OLA1: variants seen among roughly 807,000 people sequenced by gnomAD.
OLA1 encodes the protein Obg like ATPase 1.
In OLA1, 14 loss-of-function variants were observed where a neutral mutation model predicts 48.4. That is an observed-to-expected ratio of 0.29 (90% CI 0.19 to 0.45). The LOEUF is 0.45. Among genes scored for constraint, OLA1 ranks in the 20% least tolerant of loss-of-function variants. The pLI, the probability that OLA1 is intolerant of heterozygous loss-of-function variation, is 1.00. For missense variants in OLA1, 325 were observed against 467.1 expected, an observed-to-expected ratio of 0.70 and a Z score of 2.80; for synonymous variants, 127 against 150.4, an observed-to-expected ratio of 0.84 and a Z score of 1.14.
chr2:174,162,762 T>C (rs1687042705), intron 4 of OLA1, among the ~76,000 whole-genome samples: 1 of 152,174 alleles, frequency 6.6e-6, no homozygotes, highest in Non-Finnish European at 1.5e-5. Context: ...AGTGATATAA[T>C]TGTGGTTAAG....
intron 1 of OLA1, chr2:174,247,339 C>G: frequency 4.7e-6 from 1 of 213,112 alleles, no homozygotes; most frequent in Non-Finnish European, 9.3e-6. Flanking sequence ...CGCCACTGGG[C>G]TCTGCCTGAG....
chr2:174,122,279 A>T (rs1401287222), intron 7 of OLA1, among the ~76,000 whole-genome samples: 1 of 152,216 alleles, frequency 6.6e-6, no homozygotes. Context: ...GGAGTTAACC[A>T]TCTGACATTA....
intron 4 of OLA1, among the ~76,000 whole-genome samples, chr2:174,185,953 T>C (rs1281805367): frequency 6.6e-6 from 1 of 152,010 alleles, no homozygotes; most frequent in Non-Finnish European, 1.5e-5. Flanking sequence ...AAAGTATTTT[T>C]CACATATAAA....
chr2:174,164,645 A>G (rs1687119458), intron 4 of OLA1, among the ~76,000 whole-genome samples: 1 of 152,128 alleles, frequency 6.6e-6, no homozygotes, highest in Admixed American at 6.5e-5. Flanking sequence ...TTTCACAGGT[A>G]TTTTCTCCCC....
intron 2 of OLA1, among the ~76,000 whole-genome samples, chr2:174,245,910 T>C (rs763371004): frequency 1.3e-5 from 2 of 149,250 alleles, no homozygotes; most frequent in Non-Finnish European, 3.0e-5. Context: ...AAAGAAGACT[T>C]TGAACACTTA....
At position 174,088,730 on chromosome 2, in the gene OLA1, G is replaced by A. The variant is rs553365972; in HGVS notation, c.729-6666C>T. ...ATCCCTCTTCTAAAAGAGAGCTAAG[G>A]CCGGGCTTGGTGGTTCATGCCTATA... is the stretch of plus-strand genomic sequence containing the variant. On this transcript the variant is annotated intron_variant, in intron 7 of 10. Transcript: ENST00000284719. 3.7e-4 allele frequency among the ~76,000 whole-genome samples: 57 copies of A among 152,208 alleles called. 1 individual carries two copies. In the South Asian group the frequency reaches 0.011, roughly 30 times the overall value.
intron 4 of OLA1, among the ~76,000 whole-genome samples, chr2:174,222,320 G>A (rs1388543999): frequency 6.6e-6 from 1 of 152,030 alleles, no homozygotes; most frequent in Non-Finnish European, 1.5e-5. Context: ...ATCTAGTTGA[G>A]GACCAGAAAC....
chr2:174,241,695 G>A (rs1309050906), intron 2 of OLA1, among the ~76,000 whole-genome samples: 1 of 152,188 alleles, frequency 6.6e-6, no homozygotes, highest in Non-Finnish European at 1.5e-5. Context: ...GAGTGCAGTG[G>A]CACAATCTTG....
intron 9 of OLA1, among the ~76,000 whole-genome samples, chr2:174,079,889 A>C (rs1360638518): frequency 6.6e-6 from 1 of 151,988 alleles, no homozygotes; most frequent in Non-Finnish European, 1.5e-5. Flanking sequence ...ACCTGACTAA[A>C]TATCTTAGCA....
chr2:174,081,384 T>A (rs1445023544), intron 8 of OLA1, 136 bp from the exon 9 acceptor site: 1 of 636,026 alleles, frequency 1.6e-6, no homozygotes, highest in Non-Finnish European at 2.7e-6. Context: ...CAGAATACAC[T>A]GGAAGGGTTC....
At chr2:174,096,896 G>A (rs554844715) in intron 7 of OLA1, among the ~76,000 whole-genome samples, 2 of 152,278 alleles carry the variant, frequency 1.3e-5, no homozygotes, top group Admixed American at 6.5e-5. Context: ...GGTGGCTCAC[G>A]CCTGTAATCT....
intron 5 of OLA1, among the ~76,000 whole-genome samples, chr2:174,140,380 T>C (rs1457019344): frequency 6.6e-6 from 1 of 151,872 alleles, no homozygotes; most frequent in Non-Finnish European, 1.5e-5. Context: ...TTTTTTTTTT[T>C]TAATTGAGAC....
At chr2:174,213,309 T>C (rs781264362) in intron 4 of OLA1, among the ~76,000 whole-genome samples, 1 of 152,326 alleles carries the variant, frequency 6.6e-6, no homozygotes, top group Middle Eastern at 3.4e-3. Context: ...TAAGTACCTA[T>C]TGAGAAACCT....
At chr2:174,189,881 A>AAAAC (rs1558996716) in intron 4 of OLA1, among the ~76,000 whole-genome samples, 1 of 147,000 alleles carries the variant, frequency 6.8e-6, no homozygotes, top group African/African-American at 2.6e-5. Flanking sequence ...AAAAAAACAA[A>AAAAC]ACACACACAC....
At chr2:174,246,409 C>T (rs375172754) in intron 2 of OLA1, among the ~76,000 whole-genome samples, 5 of 152,094 alleles carry the variant, frequency 3.3e-5, no homozygotes, top group Non-Finnish European at 5.9e-5. Flanking sequence ...ATTTCCACTA[C>T]GAAATTCAAA....
intron 3 of OLA1, among the ~76,000 whole-genome samples, chr2:174,227,727 A>G (rs1688645939): frequency 6.6e-6 from 1 of 152,254 alleles, no homozygotes; most frequent in Non-Finnish European, 1.5e-5. Context: ...CTGAATAAAT[A>G]CATGAATGAA....
At chr2:174,124,568 T>C (rs1246389232) in intron 5 of OLA1, among the ~76,000 whole-genome samples, 1 of 152,148 alleles carries the variant, frequency 6.6e-6, no homozygotes, top group Non-Finnish European at 1.5e-5. Flanking sequence ...TACAGGCAGG[T>C]GTTAATAAAA....
rs1365703614 is a variant in OLA1 at position 174,163,763 on chromosome 2, TATATATATATATAA to T, written c.374-21777_374-21764del. Among the ~76,000 whole-genome samples, 326 of 32,916 alleles carry T rather than the reference TATATATATATATAA, an allele frequency of 9.9e-3. 29 individuals are homozygous for T. In the East Asian group the frequency reaches 0.11, roughly 11 times the overall value. The allele number at this position is 32,916 out of a possible 152,430, so 21.6% of individuals were successfully genotyped here. A position where few individuals can be genotyped will look rare whatever the true frequency, so the allele number is the denominator to read the frequency against. ...ATATATATATATATATATATATATA[TATATATATATATAA>T]ATAAATGTTTGGGTGCCTGCTTAGA... On this transcript the variant is annotated intron_variant, in intron 4 of 10. Coordinates refer to ENST00000284719, the MANE Select transcript of OLA1 (RefSeq NM_013341.5).
At chr2:174,089,339 G>A (rs1233997864) in intron 7 of OLA1, among the ~76,000 whole-genome samples, 1 of 152,116 alleles carries the variant, frequency 6.6e-6, no homozygotes, top group Non-Finnish European at 1.5e-5. Flanking sequence ...GAAAATAAAC[G>A]CACATGAACT....
Sources: allele counts gnomAD v4.1 joint callset (sites outside exome capture counted in the v4.1 genomes callset), GRCh38; gene constraint gnomAD v4.1.1; transcripts MANE v1.5; gene names NCBI Gene and HGNC (gene_info 2026-07-23, HGNC 2026-07-21).